The following CTTNBP2NL variants were observed in gnomAD, a reference collection of about 807,000 sequenced individuals.
CTTNBP2NL encodes CTTNBP2 N-terminal-like protein.
A neutral mutation model predicts 32.5 loss-of-function variants in CTTNBP2NL; 16 were observed. The observed-to-expected ratio is 0.49, with a 90% confidence interval of 0.33 to 0.75. The LOEUF is 0.75. CTTNBP2NL is among the 30% of genes least tolerant of loss of function. The pLI is 0.02. For synonymous variants in CTTNBP2NL, 298 were observed against 289.4 expected (o/e 1.03, Z -0.30); for missense variants, 645 against 756.0 (o/e 0.85, Z 1.72).
At chr1:112,396,394 T>C (rs1160123271) in intron 1 of CTTNBP2NL, 122 bp downstream of exon 1, 1 of 152,252 alleles carries the variant, frequency 6.6e-6, no homozygotes, top group East Asian at 1.9e-4. Context: ...GCCCATCCCC[T>C]GAGGGGGCGG....
chr1:112,442,051 A>G (rs1042400363), intron 3 of CTTNBP2NL, among the ~76,000 whole-genome samples: 1 of 152,250 alleles, frequency 6.6e-6, no homozygotes, highest in East Asian at 1.9e-4. Context: ...CAGGGGATAT[A>G]TGAGAGATCT....
At chr1:112,411,922 C>CAG (rs1266126656) in intron 1 of CTTNBP2NL, among the ~76,000 whole-genome samples, 6 of 152,104 alleles carry the variant, frequency 3.9e-5, no homozygotes, top group Non-Finnish European at 7.4e-5. Flanking sequence ...AGAGAAAAGT[C>CAG]AGAAGTTAAA....
intron 4 of CTTNBP2NL, among the ~76,000 whole-genome samples, chr1:112,453,753 C>T (rs1323551898): frequency 6.6e-6 from 1 of 151,950 alleles, no homozygotes; most frequent in Non-Finnish European, 1.5e-5. Flanking sequence ...GACCCTGTCT[C>T]GAAAAATAAA....
chr1:112,435,133 ACT>A (rs1489249351), intron 3 of CTTNBP2NL, among the ~76,000 whole-genome samples: 1 of 106,878 alleles, frequency 9.4e-6, no homozygotes, highest in Non-Finnish European at 1.8e-5. Flanking sequence ...GCAGAGCAAG[ACT>A]CTGTCTCAAA....
At chr1:112,426,621 T>TTTTTTG (rs1345683516) in intron 3 of CTTNBP2NL, among the ~76,000 whole-genome samples, 1 of 151,136 alleles carries the variant, frequency 6.6e-6, no homozygotes, top group East Asian at 1.9e-4. Flanking sequence ...TTTTTTTTTT[T>TTTTTTG]TTTTGAGACG....
At chr1:112,428,178 C>T (rs1649460300) in intron 3 of CTTNBP2NL, among the ~76,000 whole-genome samples, 1 of 152,004 alleles carries the variant, frequency 6.6e-6, no homozygotes, top group African/African-American at 2.4e-5. Flanking sequence ...TAGTGGTTGG[C>T]CCTAGGTAGT....
intron 1 of CTTNBP2NL, among the ~76,000 whole-genome samples, chr1:112,399,000 G>A (rs1648415033): frequency 6.6e-6 from 1 of 151,904 alleles, no homozygotes; most frequent in African/African-American, 2.4e-5. Context: ...AGATCACTAG[G>A]GACTGATTGC....
chr1:112,439,969 A>G (rs1450810863), intron 3 of CTTNBP2NL, among the ~76,000 whole-genome samples: 1 of 152,202 alleles, frequency 6.6e-6, no homozygotes, highest in Non-Finnish European at 1.5e-5. Context: ...TTAAACAGAG[A>G]GGCTATTTGT....
At chr1:112,401,713 T>C (rs1437499754) in intron 1 of CTTNBP2NL, among the ~76,000 whole-genome samples, 2 of 151,178 alleles carry the variant, frequency 1.3e-5, no homozygotes. Context: ...AAGGCGGGAG[T>C]TTGTGGGTTG....
In CTTNBP2NL at chr1:112,456,324, G is replaced by C. The variant is rs780245309; in HGVS notation, c.832G>C (p.Glu278Gln). The change falls in exon 6 of 6, where the codon GAG (glutamate) becomes CAG (glutamine). Residue 278 changes from glutamate (E) to glutamine (Q), a missense_variant. Glu to Gln is a conservative substitution (Grantham distance 29, BLOSUM62 2). Transcript: ENST00000271277. ...ESLKKIVKDL[E>Q]ASHQHSSPNE... The stretch of plus-strand genomic sequence containing the variant: ...TTTAAAGAAGATAGTGAAGGACCTA[G>C]AGGCTTCCCACCAGCACAGTAGCCC... 6.2e-7 allele frequency: 1 copy of C among 1,613,894 alleles called. No individual in the cohort carries two copies. Among genetic ancestry groups the C allele is most frequent in the Non-Finnish European group, 8.5e-7 (1 of 1,180,034 alleles).
At chr1:112,425,462 C>A (rs1175437744) in intron 3 of CTTNBP2NL, among the ~76,000 whole-genome samples, 1 of 152,186 alleles carries the variant, frequency 6.6e-6, no homozygotes, top group East Asian at 1.9e-4. Flanking sequence ...CAGAGCAAGA[C>A]TCCATCCCCA....
At position 112,457,230 on chromosome 1, in the gene CTTNBP2NL, C is replaced by G. The variant is rs1650396477; in HGVS notation, c.1738C>G (p.Pro580Ala). 6.2e-7 allele frequency: 1 copy of G among 1,614,176 alleles called. No individual in the cohort carries two copies. The highest frequency in any genetic ancestry group is 8.5e-7 in the Non-Finnish European group (1 of 1,180,040). The stretch of plus-strand genomic sequence containing the variant: ...CCCCAGAGCTGAGAGAGGAAACCCT[C>G]CACCCATCCCACCCAAGAAACCTGG... The part of the protein sequence containing the change: ...TIPRAERGNP[P>A]PIPPKKPGLT... The change falls in exon 6 of 6, where the codon CCA becomes GCA. Residue 580 changes from proline to alanine, a missense_variant. By Grantham distance (27) the Pro-to-Ala change is conservative (BLOSUM62 -1). Coordinates refer to ENST00000271277, the MANE Select transcript of CTTNBP2NL (RefSeq NM_018704.3).
chr1:112,447,314 G>T (rs1650080787), intron 3 of CTTNBP2NL, among the ~76,000 whole-genome samples: 1 of 139,678 alleles, frequency 7.2e-6, no homozygotes, highest in African/African-American at 2.7e-5. Context: ...TTTCATCTTA[G>T]ACTCTGTGTT....
In CTTNBP2NL at chr1:112,458,693, C is replaced by G. The variant is rs1027983348; in HGVS notation, c.*1281C>G. The G allele has an allele frequency of 6.6e-6, 1 of 152,034 alleles. No homozygotes were observed. Among genetic ancestry groups the G allele is most frequent in the East Asian group, 1.9e-4 (1 of 5,178 alleles). 9.4% of individuals were successfully genotyped at this position (152,034 alleles called of 1,614,324 possible). On this transcript the variant is annotated 3_prime_UTR_variant, in exon 6 of 6. Transcript: ENST00000271277. ...AGTATCATAAAAAGGCAGAGCTGGC[C>G]AGGCACAGTGGCTCATGCCTGTAAT...
Position 112,418,070 on chromosome 1 carries a change from T to TA in CTTNBP2NL, c.99+1814dup, listed in dbSNP as rs36028714. On this transcript the variant is annotated intron_variant, in intron 3 of 5. Coordinates refer to ENST00000271277, the MANE Select transcript of CTTNBP2NL (RefSeq NM_018704.3). ...TTTTTCTTTTCTGTTTTGTCTCCAG[T>TA]AAAAAAAAGCTTATCTTTTTATTTT... 1.5e-3 allele frequency among the ~76,000 whole-genome samples: 225 copies of TA among 152,092 alleles called. 1 individual carries two copies. In the South Asian group the frequency reaches 0.022, roughly 15 times the overall value.
rs1053449996 is a variant in CTTNBP2NL, at chr1:112,428,749, C to G, written c.99+12485C>G. 2.0e-5 allele frequency among the ~76,000 whole-genome samples: 3 copies of G among 152,026 alleles called. No individual in the cohort carries two copies. The East Asian group carries it at 5.8e-4, about 29-fold the overall frequency. ...ACTATACTATAATATTTATACTATA[C>G]CATACTGTACTGTAATATTTTCTGT... On this transcript the variant is annotated intron_variant, in intron 3 of 5. Coordinates refer to ENST00000271277, the MANE Select transcript of CTTNBP2NL (RefSeq NM_018704.3).
At chr1:112,416,521 C>T (rs577070490) in intron 3 of CTTNBP2NL, among the ~76,000 whole-genome samples, 4 of 146,074 alleles carry the variant, frequency 2.7e-5, no homozygotes, top group South Asian at 4.3e-4. Flanking sequence ...TTTTTTGAGA[C>T]GGAGTGTCAC....
chr1:112,405,408 T>G (rs952686611), intron 1 of CTTNBP2NL, among the ~76,000 whole-genome samples: 15 of 152,102 alleles, frequency 9.9e-5, no homozygotes, highest in Admixed American at 2.0e-4. Flanking sequence ...AGCGATTCTC[T>G]TTCCTCAGCC....
intron 1 of CTTNBP2NL, among the ~76,000 whole-genome samples, chr1:112,410,615 A>G (rs1035565946): frequency 6.6e-6 from 1 of 152,154 alleles, no homozygotes; most frequent in African/African-American, 2.4e-5. Flanking sequence ...TTTTTATTTC[A>G]GATTTATAGA....
Sources: gnomAD v4.1 joint callset for allele counts (sites outside exome capture counted in the v4.1 genomes callset) on GRCh38, gnomAD v4.1.1 for gene constraint, MANE v1.5 for transcripts, NCBI Gene and HGNC (gene_info 2026-07-23, HGNC 2026-07-21) for gene names.